The following OR8A1 variants were observed in gnomAD, a reference collection of about 807,000 sequenced individuals.
The protein encoded by OR8A1 is olfactory receptor family 8 subfamily A member 1.
OR8A1 carries 5 observed loss-of-function variants against 13.4 expected under a neutral mutation model. The observed-to-expected ratio is 0.37, with a 90% confidence interval of 0.19 to 0.78. The LOEUF is 0.78. Ranked by LOEUF, OR8A1 falls within the 30% of genes least tolerant of loss-of-function variation. OR8A1 has a pLI of 0.47. For synonymous variants in OR8A1, 156 were observed against 150.4 expected (o/e 1.04, Z -0.27); for missense variants, 354 against 374.8 (o/e 0.94, Z 0.46).
Position 124,570,431 on chromosome 11 carries a change from C to T in OR8A1, c.312C>T (p.Phe104=). ...YAGCMSQLYF[F]LVFVIAECYM... is the part of the protein sequence containing the mutation. Reference sequence around the variant, plus strand: ...GGTGCATGTCACAGCTCTACTTCTTCCTTGTTTTTGTCATTGCTGAGTGTT... The same window carrying T: ...GGTGCATGTCACAGCTCTACTTCTTTCTTGTTTTTGTCATTGCTGAGTGTT... Residue 104 remains phenylalanine, a synonymous_variant, in exon 1 of 1, where the codon TTC becomes TTT. Coordinates refer to ENST00000284287, the MANE Select transcript of OR8A1 (RefSeq NM_001005194.2). 6.2e-7 allele frequency: 1 copy of T among 1,614,114 alleles called. No individual in the cohort carries two copies. The highest frequency in any genetic ancestry group is 1.1e-5 in the South Asian group (1 of 91,076).
rs1388698955 is a variant in OR8A1, at chr11:124,570,029, A to C, written c.-91A>C. The C allele has an allele frequency of 1.3e-6, 2 of 1,562,762 alleles. No individual in the cohort carries two copies. Among genetic ancestry groups the C allele is most frequent in the Admixed American group, 1.8e-5 (1 of 54,182 alleles). Reference sequence around the variant, plus strand: ...AGAGAGCCCAGGATGTTTCACTAGCACCAAAGGCTCAAGACTAGCCGTCCA... The same window carrying C: ...AGAGAGCCCAGGATGTTTCACTAGCCCCAAAGGCTCAAGACTAGCCGTCCA... On this transcript the variant is annotated 5_prime_UTR_variant, in exon 1 of 1. Coordinates refer to ENST00000284287, the MANE Select transcript of OR8A1 (RefSeq NM_001005194.2).
rs375335793 is a variant in OR8A1, at chr11:124,570,149, A to C, written c.30A>C (p.Thr10=). 1 of 1,613,988 alleles carries C rather than the reference A, an allele frequency of 6.2e-7. No individual in the cohort carries two copies. The highest frequency in any genetic ancestry group is 1.1e-5 in the South Asian group (1 of 91,066). ...CTGCAGGAAATCACTCTACAGTGACAGAGTTCATTCTCAAGGGTTTAACGA... is the reference window on the plus strand; with the variant it reads ...CTGCAGGAAATCACTCTACAGTGACCGAGTTCATTCTCAAGGGTTTAACGA... MAAGNHSTV[T]EFILKGLTKR... The change falls in exon 1 of 1, where the codon ACA becomes ACC. Residue 10 remains threonine (T), a synonymous_variant. Coordinates refer to ENST00000284287, the MANE Select transcript of OR8A1 (RefSeq NM_001005194.2).
rs776032144 is a variant in OR8A1 at position 124,570,529 on chromosome 11, C to G, written c.410C>G (p.Ser137Cys). 6 of 1,614,064 alleles carry G rather than the reference C, an allele frequency of 3.7e-6. No individual in the cohort carries two copies. In the South Asian group the frequency reaches 6.6e-5, roughly 18 times the overall value. ...CHPLLYNIIMSHHTCLLLVAV... is the reference protein window; with the variant it reads ...CHPLLYNIIMCHHTCLLLVAV... ...CCTTTGCTTTACAACATCATTATGTCTCATCACACCTGCCTGCTGCTGGTG... is the reference window on the plus strand; with the variant it reads ...CCTTTGCTTTACAACATCATTATGTGTCATCACACCTGCCTGCTGCTGGTG... The change falls in exon 1 of 1, where the codon TCT (serine) becomes TGT (cysteine). Residue 137 changes from serine (S) to cysteine (C), a missense_variant. Ser to Cys is a moderately radical substitution (Grantham distance 112, BLOSUM62 -1). Transcript: ENST00000284287.
Position 124,571,107 on chromosome 11 carries a change from C to CA in OR8A1, c.*59dup. On this transcript the variant is annotated 3_prime_UTR_variant, in exon 1 of 1. Coordinates refer to ENST00000284287, the MANE Select transcript of OR8A1 (RefSeq NM_001005194.2). ...GTAATTGTTATAAATACCAGAGTGA[C>CA]AGCTTCTGAATGCTGGCCAGCTGTG... 6.7e-7 allele frequency: 1 copy of CA among 1,500,246 alleles called. No homozygotes were observed. The highest frequency in any genetic ancestry group is 9.0e-7 in the Non-Finnish European group (1 of 1,109,908). The allele number at this position is 1,500,246 out of a possible 1,614,324, so 92.9% of individuals were successfully genotyped here.
Position 124,571,134 on chromosome 11 carries a change from A to T in OR8A1, c.*85A>T, listed in dbSNP as rs7931189. 8.6e-3 allele frequency: 11,316 copies of T among 1,308,936 alleles called. 576 individuals are homozygous for T. In the African/African-American group the frequency reaches 0.12, roughly 14 times the overall value. 81.1% of individuals were successfully genotyped at this position (1,308,936 alleles called of 1,614,324 possible). A position where few individuals can be genotyped will look rare whatever the true frequency, so the allele number is the denominator to read the frequency against. On this transcript the variant is annotated 3_prime_UTR_variant, in exon 1 of 1. Transcript: ENST00000284287. ...GCTTCTGAATGCTGGCCAGCTGTGG[A>T]TGGAAAATAATCACTTCTCCACATG...
rs758964079 is a variant in OR8A1 at position 124,570,422 on chromosome 11, C to G, written c.303C>G (p.Leu101=). 29 of 1,614,024 alleles carry G rather than the reference C, an allele frequency of 1.8e-5. No homozygotes were observed. The highest frequency in any genetic ancestry group is 2.5e-5 in the Non-Finnish European group (29 of 1,180,026). ...CCTACGCAGGGTGCATGTCACAGCTCTACTTCTTCCTTGTTTTTGTCATTG... is the reference window on the plus strand; with the variant it reads ...CCTACGCAGGGTGCATGTCACAGCTGTACTTCTTCCTTGTTTTTGTCATTG... ...IISYAGCMSQ[L]YFFLVFVIAE... The change falls in exon 1 of 1, where the codon CTC becomes CTG. Residue 101 remains leucine, a synonymous_variant. Coordinates refer to ENST00000284287, the MANE Select transcript of OR8A1 (RefSeq NM_001005194.2).
Position 124,570,803 on chromosome 11 carries a change from C to T in OR8A1, c.684C>T (p.Ser228=). 1.2e-6 allele frequency: 2 copies of T among 1,614,142 alleles called. No individual in the cohort carries two copies. Among genetic ancestry groups the T allele is most frequent in the Non-Finnish European group, 1.7e-6 (2 of 1,180,004 alleles). Residue 228 remains serine (S), a synonymous_variant, in exon 1 of 1, where the codon AGC becomes AGT. Transcript: ENST00000284287. The part of the protein sequence containing the change: ...TFILSSILGI[S]TTEGRSKAFS... Reference sequence around the variant, plus strand: ...TTCTCTCCAGCATCCTCGGCATCAGCACCACAGAGGGGAGATCCAAAGCCT... The same window carrying T: ...TTCTCTCCAGCATCCTCGGCATCAGTACCACAGAGGGGAGATCCAAAGCCT...
At position 124,571,356 on chromosome 11, in the gene OR8A1, T is replaced by G. The variant is rs1410439845; in HGVS notation, c.*307T>G. 1 of 307,968 alleles carries G rather than the reference T, an allele frequency of 3.2e-6. No homozygotes were observed. Among genetic ancestry groups the G allele is most frequent in the Non-Finnish European group, 6.0e-6 (1 of 167,182 alleles). 19.1% of individuals were successfully genotyped at this position (307,968 alleles called of 1,614,324 possible). On this transcript the variant is annotated 3_prime_UTR_variant, in exon 1 of 1. Transcript: ENST00000284287. ...TCTACCCCAAGCCCTTTAATAAATGTTTCCTATCTTAATTGTAATTTAACT... is the reference window on the plus strand; with the variant it reads ...TCTACCCCAAGCCCTTTAATAAATGGTTCCTATCTTAATTGTAATTTAACT...
rs55861866 is a variant in OR8A1, at chr11:124,570,466, C to G, written c.347C>G (p.Thr116Arg). 551,836 of 1,613,746 alleles carry G rather than the reference C, an allele frequency of 0.34. 97,440 individuals carry two copies. The highest frequency in any genetic ancestry group is 0.42 in the Middle Eastern group (2,528 of 6,062). ...VFVIAECYML[T>R]VMAYDRYVAI... is the part of the protein sequence containing the mutation. ...GTCATTGCTGAGTGTTACATGCTGACAGTGATGGCCTACGACCGCTATGTT... is the reference window on the plus strand; with the variant it reads ...GTCATTGCTGAGTGTTACATGCTGAGAGTGATGGCCTACGACCGCTATGTT... Residue 116 changes from threonine to arginine, a missense_variant, in exon 1 of 1, where the codon ACA (threonine) becomes AGA (arginine). Coordinates refer to ENST00000284287, the MANE Select transcript of OR8A1 (RefSeq NM_001005194.2).
rs947644215 is a variant in OR8A1, at chr11:124,571,359, C to A, written c.*310C>A. 14 of 300,642 alleles carry A rather than the reference C, an allele frequency of 4.7e-5. No individual in the cohort carries two copies. The Middle Eastern group carries it at 2.3e-3, about 49-fold the overall frequency. 18.6% of individuals were successfully genotyped at this position (300,642 alleles called of 1,614,324 possible). A position where few individuals can be genotyped will look rare whatever the true frequency, so the allele number is the denominator to read the frequency against. On this transcript the variant is annotated 3_prime_UTR_variant, in exon 1 of 1. Coordinates refer to ENST00000284287, the MANE Select transcript of OR8A1 (RefSeq NM_001005194.2). The stretch of plus-strand genomic sequence containing the variant: ...ACCCCAAGCCCTTTAATAAATGTTT[C>A]CTATCTTAATTGTAATTTAACTTAA...
Sources: allele counts gnomAD v4.1 joint callset, GRCh38; gene constraint gnomAD v4.1.1; transcripts MANE v1.5; gene names NCBI Gene and HGNC (gene_info 2026-07-23, HGNC 2026-07-21).